The following OSBPL8 variants were observed in gnomAD, a reference collection of about 807,000 sequenced individuals.
OSBPL8 encodes the protein oxysterol binding protein like 8.
Under a neutral mutation model 125.5 loss-of-function variants are expected in OSBPL8, and 59 were observed. The ratio of observed to expected loss-of-function variants is 0.47; its 90% CI spans 0.38 to 0.58. The LOEUF (loss-of-function observed/expected upper bound fraction) is 0.58, where lower values mean the gene tolerates loss of function less well. Ranked by LOEUF, OSBPL8 falls within the 20% of genes least tolerant of loss-of-function variation. The pLI is 0.00. For synonymous variants in OSBPL8, 330 were observed against 338.9 expected (o/e 0.97, Z 0.29); for missense variants, 758 against 1,047.8 (o/e 0.72, Z 3.82).
intron 15 of OSBPL8, among the ~76,000 whole-genome samples, 158 bp from the exon 16 acceptor site, chr12:76,378,708 C>T (rs1952922838): frequency 6.6e-6 from 1 of 152,052 alleles, no homozygotes; most frequent in Non-Finnish European, 1.5e-5. Context: ...ACCTTATATC[C>T]AAAACATATT....
chr12:76,434,673 AC>A lies in OSBPL8; in HGVS notation c.217+16177del, dbSNP rs567818806. ...ACAAAAATTTAAAAAATGAAAACAA[AC>A]AAAATAACCTAATTAAAAAGTGAGC... On this transcript the variant is annotated intron_variant, in intron 4 of 23. Coordinates refer to ENST00000261183, the MANE Select transcript of OSBPL8 (RefSeq NM_020841.5). Among the ~76,000 whole-genome samples the A allele has an allele frequency of 2.0e-3, 300 of 152,310 alleles. 1 individual carries two copies. Among genetic ancestry groups the A allele is most frequent in the African/African-American group, 6.9e-3 (285 of 41,560 alleles).
At chr12:76,364,588 G>C (rs1344568186) in intron 21 of OSBPL8, among the ~76,000 whole-genome samples, 1 of 152,110 alleles carries the variant, frequency 6.6e-6, no homozygotes, top group Non-Finnish European at 1.5e-5. Flanking sequence ...ACCATGGCAC[G>C]TGTCTACCTA....
At chr12:76,549,320 G>A (rs1020269226) in intron 1 of OSBPL8, among the ~76,000 whole-genome samples, 1 of 152,182 alleles carries the variant, frequency 6.6e-6, no homozygotes, top group Non-Finnish European at 1.5e-5. Context: ...ACCTCATTAT[G>A]ACTTTGTAGA....
chr12:76,368,254 T>C (rs944470207), intron 21 of OSBPL8, among the ~76,000 whole-genome samples: 5 of 152,170 alleles, frequency 3.3e-5, no homozygotes, highest in African/African-American at 1.2e-4. Flanking sequence ...CTGGCCCCCA[T>C]GGTTTCTATA....
chr12:76,495,796 A>G (rs986762264), intron 1 of OSBPL8, among the ~76,000 whole-genome samples: 1 of 151,870 alleles, frequency 6.6e-6, no homozygotes, highest in Non-Finnish European at 1.5e-5. Context: ...TGTTGGCTCT[A>G]AAAGAGTTCT....
intron 15 of OSBPL8, among the ~76,000 whole-genome samples, chr12:76,381,459 G>A (rs1472769053): frequency 1.3e-5 from 2 of 152,100 alleles, no homozygotes; most frequent in Non-Finnish European, 2.9e-5. Flanking sequence ...GTGGTAATTT[G>A]TGTCTCTTAA....
At chr12:76,519,791 T>C (rs897995764) in intron 1 of OSBPL8, among the ~76,000 whole-genome samples, 1 of 152,016 alleles carries the variant, frequency 6.6e-6, no homozygotes, top group Non-Finnish European at 1.5e-5. Context: ...CCAGACTCTT[T>C]TAAACAACCA....
In OSBPL8 at chr12:76,389,699, C is replaced by G; in HGVS notation, c.1298G>C (p.Arg433Pro). 6.2e-7 allele frequency: 1 copy of G among 1,604,210 alleles called. No individual in the cohort carries two copies. Among genetic ancestry groups the G allele is most frequent in the South Asian group, 1.1e-5 (1 of 89,600 alleles). ...ATCTGAAAGTTTATCCAGGAAAGAA[C>G]GGGGTTCCAAAATAAATGTAGGCAG... ...VVLPTFILEP[R>P]SFLDKLSDYY... Residue 433 changes from arginine to proline, a missense_variant, in exon 12 of 24, where the codon CGT becomes CCT. This residue lies in a region of OSBPL8 where 572 missense variants were observed against 762.0 expected (regional missense o/e 0.75). Transcript: ENST00000261183.
intron 1 of OSBPL8, among the ~76,000 whole-genome samples, chr12:76,528,950 T>C (rs1416315687): frequency 6.6e-6 from 1 of 152,182 alleles, no homozygotes; most frequent in Non-Finnish European, 1.5e-5. Flanking sequence ...TAACACAATC[T>C]TATGCCAGAA....
chr12:76,423,522 A>G (rs1468243151), intron 4 of OSBPL8, among the ~76,000 whole-genome samples: 1 of 152,200 alleles, frequency 6.6e-6, no homozygotes, highest in Non-Finnish European at 1.5e-5. Flanking sequence ...CTGCTTAAAA[A>G]AAATTTTTTT....
chr12:76,444,969 A>T (rs1219612674), intron 4 of OSBPL8, among the ~76,000 whole-genome samples: 1 of 152,142 alleles, frequency 6.6e-6, no homozygotes, highest in Non-Finnish European at 1.5e-5. Context: ...TTAAAATTTT[A>T]TATTTCTCTT....
chr12:76,501,127 A>G (rs946853318), intron 1 of OSBPL8, among the ~76,000 whole-genome samples: 5 of 152,176 alleles, frequency 3.3e-5, no homozygotes, highest in African/African-American at 4.8e-5. Context: ...ACACATATAC[A>G]TAAGTGTGTG....
chr12:76,487,414 TTTG>T (rs748345919), intron 2 of OSBPL8, 93 bp downstream of exon 2: 12 of 920,154 alleles, frequency 1.3e-5, no homozygotes, highest in Admixed American at 3.1e-5. Context: ...TTTTTAAAAG[TTTG>T]TTGTTAATAT....
At chr12:76,488,613 T>C (rs1389351260) in intron 1 of OSBPL8, among the ~76,000 whole-genome samples, 4 of 152,220 alleles carry the variant, frequency 2.6e-5, no homozygotes, top group Non-Finnish European at 5.9e-5. Context: ...TCCTTGATAT[T>C]ACTATTGTAA....
At position 76,446,848 on chromosome 12, in the gene OSBPL8, C is replaced by T. The variant is rs143263307; in HGVS notation, c.217+4003G>A. 9.0e-3 allele frequency among the ~76,000 whole-genome samples: 1,366 copies of T among 152,150 alleles called. 19 individuals carry two copies. The highest frequency in any genetic ancestry group is 0.028 in the South Asian group (134 of 4,818). Reference sequence around the variant, plus strand: ...TGAAACACAATGAATATATTAAAATCCATGAGTTCCTCATGATATTAAAAA... The same window carrying T: ...TGAAACACAATGAATATATTAAAATTCATGAGTTCCTCATGATATTAAAAA... On this transcript the variant is annotated intron_variant, in intron 4 of 23. Transcript: ENST00000261183.
rs754022654 is a variant in OSBPL8, at chr12:76,375,327, G to A, written c.1773C>T (p.Val591=). Residue 591 remains valine (V), a synonymous_variant, in exon 17 of 24, where the codon GTC becomes GTT. Transcript: ENST00000261183. ...GTMTLELGGT[V]NITCQKTGYS... ...ATCCAGTTTTTTGACATGTAATATT[G>A]ACTGTTCCACCAAGCTCCAGTGTCA... The A allele has an allele frequency of 1.9e-6, 3 of 1,611,892 alleles. No individual in the cohort carries two copies. The African/African-American group carries it at 4.0e-5, about 22-fold the overall frequency.
chr12:76,546,634 T>C (rs1301956656), intron 1 of OSBPL8, among the ~76,000 whole-genome samples: 1 of 152,054 alleles, frequency 6.6e-6, no homozygotes, highest in Admixed American at 6.5e-5. Context: ...ATAAACATAA[T>C]AGAAGGAATA....
At chr12:76,437,434 G>C (rs1034662393) in intron 4 of OSBPL8, among the ~76,000 whole-genome samples, 16 of 152,108 alleles carry the variant, frequency 1.1e-4, no homozygotes, top group Non-Finnish European at 2.1e-4. Flanking sequence ...TTGGCCATCC[G>C]TGTTACCTCT....
Position 76,410,573 on chromosome 12 carries a change from T to C in OSBPL8, c.279A>G (p.Ser93=). 1 of 1,602,052 alleles carries C rather than the reference T, an allele frequency of 6.2e-7. No individual in the cohort carries two copies. The highest frequency in any genetic ancestry group is 8.5e-7 in the Non-Finnish European group (1 of 1,170,446). ...QNKDESSLSM[S]KSKSESKLYN... ...GCTTATATATGCTTACCTTGCTCTT[T>C]GACATAGAAAGTGAAGATTCATCTT... The change falls in exon 5 of 24, where the codon TCA becomes TCG. Residue 93 remains serine, a synonymous_variant. Coordinates refer to ENST00000261183, the MANE Select transcript of OSBPL8 (RefSeq NM_020841.5).
Sources: allele counts gnomAD v4.1 joint callset (sites outside exome capture counted in the v4.1 genomes callset), GRCh38; gene constraint gnomAD v4.1.1; regional missense constraint gnomAD v4.1.1; transcripts MANE v1.5; gene names NCBI Gene and HGNC (gene_info 2026-07-23, HGNC 2026-07-21).